MCCC2: variants seen among roughly 807,000 people sequenced by gnomAD.
The protein encoded by MCCC2 is methylcrotonoyl-CoA carboxylase beta chain, mitochondrial.
A neutral mutation model predicts 77.2 loss-of-function variants in MCCC2; 52 were observed. That is an observed-to-expected ratio of 0.67 (90% CI 0.54 to 0.85). The LOEUF (loss-of-function observed/expected upper bound fraction) is 0.85. MCCC2 is among the 40% of genes least tolerant of loss of function. The probability of loss-of-function intolerance (pLI) is 0.00; values close to 1 mark genes in which losing one functional copy is unlikely to be tolerated. For synonymous variants in MCCC2, 253 were observed against 248.4 expected, an observed-to-expected ratio of 1.02 and a Z score of -0.18; for missense variants, 682 against 703.2, an observed-to-expected ratio of 0.97 and a Z score of 0.34.
rs1403161082 is a variant in MCCC2 at position 71,587,559 on chromosome 5, G to T, written c.129+5G>T. The T allele has an allele frequency of 1.3e-6, 2 of 1,534,152 alleles. No homozygotes were observed. The highest frequency in any genetic ancestry group is 2.4e-5 in the South Asian group (2 of 84,068). The stretch of plus-strand genomic sequence containing the variant: ...TTGGGCTCTGCCCTCTACCAGGTAG[G>T]CTGAGCGCCCCGGTGGCCTGGCCGC... On this transcript the variant is annotated splice_donor_5th_base_variant and intron_variant, in intron 1 of 16. Coordinates refer to ENST00000340941, the MANE Select transcript of MCCC2 (RefSeq NM_022132.5).
intron 4 of MCCC2, among the ~76,000 whole-genome samples, chr5:71,602,211 T>C (rs1561823154): frequency 6.6e-6 from 1 of 152,298 alleles, no homozygotes; most frequent in East Asian, 1.9e-4. Context: ...AAAGAACCAT[T>C]ATGACACAAG....
At chr5:71,604,549 G>C in intron 6 of MCCC2, 81 bp downstream of exon 6, 1 of 1,054,452 alleles carries the variant, frequency 9.5e-7, no homozygotes, top group Non-Finnish European at 1.5e-6. Flanking sequence ...GGGATGGCTT[G>C]AAAGTAAAAC....
At chr5:71,650,674 A>G (rs543677666) in intron 15 of MCCC2, among the ~76,000 whole-genome samples, 1 of 151,788 alleles carries the variant, frequency 6.6e-6, no homozygotes, top group South Asian at 2.1e-4. Flanking sequence ...TTTGAGACAG[A>G]GTCTCGCTTT....
At chr5:71,644,139 A>G (rs1429406150) in intron 12 of MCCC2, among the ~76,000 whole-genome samples, 1 of 151,904 alleles carries the variant, frequency 6.6e-6, no homozygotes, top group Non-Finnish European at 1.5e-5. Flanking sequence ...TTACATTAAC[A>G]TGCTGTGACG....
At chr5:71,641,651 C>G (rs1315539554) in intron 11 of MCCC2, among the ~76,000 whole-genome samples, 1 of 152,074 alleles carries the variant, frequency 6.6e-6, no homozygotes, top group African/African-American at 2.4e-5. Flanking sequence ...GTTTATAGGC[C>G]TTTGAAGAAG....
chr5:71,638,095 G>GT (rs1746992586), intron 10 of MCCC2, among the ~76,000 whole-genome samples: 1 of 152,122 alleles, frequency 6.6e-6, no homozygotes, highest in Non-Finnish European at 1.5e-5. Context: ...CTCTATATCC[G>GT]TAATTGTCAT....
chr5:71,649,773 T>C (rs894621671), intron 14 of MCCC2, among the ~76,000 whole-genome samples: 7 of 152,138 alleles, frequency 4.6e-5, no homozygotes, highest in Non-Finnish European at 8.8e-5. Flanking sequence ...ACAGCACATA[T>C]AACCACTATC....
intron 3 of MCCC2, 50 bp downstream of exon 3, chr5:71,596,414 C>G (rs774262085): frequency 6.1e-5 from 87 of 1,415,736 alleles, no homozygotes; most frequent in Non-Finnish European, 8.7e-5. Flanking sequence ...TTCCATAGTA[C>G]TTTATTAGAC....
chr5:71,596,447 G>A, intron 3 of MCCC2, 83 bp downstream of exon 3: 2 of 1,205,848 alleles, frequency 1.7e-6, no homozygotes, highest in Non-Finnish European at 2.5e-6. Context: ...CAGTTATTTT[G>A]AATTCTAGTT....
intron 1 of MCCC2, among the ~76,000 whole-genome samples, chr5:71,588,243 T>C (rs1744838669): frequency 6.7e-6 from 1 of 149,262 alleles, no homozygotes; most frequent in African/African-American, 2.5e-5. Context: ...CACTCCAGCC[T>C]TGGCAACAAG....
At chr5:71,598,219 C>T (rs1745269046) in intron 3 of MCCC2, among the ~76,000 whole-genome samples, 2 of 150,074 alleles carry the variant, frequency 1.3e-5, no homozygotes, top group Non-Finnish European at 3.0e-5. Context: ...TACAGGTGTG[C>T]ACCACCATGC....
intron 3 of MCCC2, among the ~76,000 whole-genome samples, chr5:71,597,061 T>C (rs1217104977): frequency 1.3e-5 from 2 of 151,790 alleles, no homozygotes; most frequent in Non-Finnish European, 2.9e-5. Context: ...TTTTAAGAGG[T>C]GGTGCCAAGG....
At chr5:71,610,412 C>T (rs948614883) in intron 6 of MCCC2, among the ~76,000 whole-genome samples, 16 of 152,072 alleles carry the variant, frequency 1.1e-4, no homozygotes, top group African/African-American at 2.6e-4. Flanking sequence ...GGCAATGCCT[C>T]GCCCTGCTTC....
chr5:71,606,076 G>A (rs1028028305), intron 6 of MCCC2, among the ~76,000 whole-genome samples: 16 of 152,142 alleles, frequency 1.1e-4, no homozygotes, highest in South Asian at 2.1e-4. Flanking sequence ...TTGGTTCCAT[G>A]TGAACTTTAA....
At chr5:71,635,615 G>A in intron 10 of MCCC2, 2 of 354,414 alleles carry the variant, frequency 5.6e-6, no homozygotes, top group Non-Finnish European at 1.1e-5. Flanking sequence ...ATGTCAGTAA[G>A]TTGTTGGAAG....
At chr5:71,592,372 C>T (rs1455685209) in intron 1 of MCCC2, among the ~76,000 whole-genome samples, 2 of 152,048 alleles carry the variant, frequency 1.3e-5, no homozygotes, top group Admixed American at 6.6e-5. Context: ...CAAAGGGAGA[C>T]TCTGTCCCAA....
At chr5:71,626,830 T>A (rs1348895734) in intron 7 of MCCC2, 77 bp downstream of exon 7, 2 of 1,319,248 alleles carry the variant, frequency 1.5e-6, no homozygotes, top group African/African-American at 1.5e-5. Context: ...TATTTTTTGA[T>A]GTTTTAAAAA....
At chr5:71,608,870 T>G (rs1238418005) in intron 6 of MCCC2, among the ~76,000 whole-genome samples, 2 of 152,202 alleles carry the variant, frequency 1.3e-5, no homozygotes, top group Admixed American at 1.3e-4. Context: ...TGCAAATTCT[T>G]TTCTTTAAGA....
chr5:71,605,732 A>G (rs1453347460), intron 6 of MCCC2, among the ~76,000 whole-genome samples: 4 of 151,916 alleles, frequency 2.6e-5, no homozygotes. Flanking sequence ...TAAGTCTTTA[A>G]TCCATCTTGA....
Sources: gnomAD v4.1 joint callset for allele counts (sites outside exome capture counted in the v4.1 genomes callset) on GRCh38, gnomAD v4.1.1 for gene constraint, MANE v1.5 for transcripts, NCBI Gene and HGNC (gene_info 2026-07-23, HGNC 2026-07-21) for gene names.